Variants in GLMN observed in about 807,000 individuals in gnomAD.
GLMN encodes the protein glomulin, FKBP associated protein.
A neutral mutation model predicts 87.8 loss-of-function variants in GLMN; 75 were observed. That is an observed-to-expected ratio of 0.85 (90% confidence interval 0.71 to 1.04). The LOEUF (loss-of-function observed/expected upper bound fraction) is 1.04. Among genes scored for constraint, GLMN ranks in the 50% least tolerant of loss-of-function variants. GLMN has a pLI of 0.00. For synonymous variants in GLMN, 206 were observed against 221.6 expected (o/e 0.93, Z 0.63); for missense variants, 588 against 658.8 (o/e 0.89, Z 1.18).
In GLMN at chr1:92,285,323, A is replaced by T. The variant is rs562563639; in HGVS notation, c.735+1167T>A. ...GTTCATGTCCTTTGCAGGGACATGG[A>T]TGAAGCTGGAAACCACCATTCTAAG... On this transcript the variant is annotated intron_variant, in intron 7 of 18. Coordinates refer to ENST00000370360, the MANE Select transcript of GLMN (RefSeq NM_053274.3). Among the ~76,000 whole-genome samples the T allele has an allele frequency of 1.1e-3, 175 of 152,300 alleles. 1 individual carries two copies. Among genetic ancestry groups the T allele is most frequent in the African/African-American group, 4.1e-3 (170 of 41,558 alleles).
the GLMN span, among the ~76,000 whole-genome samples, chr1:92,338,538 C>A: frequency 6.6e-5 from 10 of 151,980 alleles, no homozygotes; most frequent in East Asian, 1.3e-3. Context: ...AGTATGGAAA[C>A]ACTGAAGTTT....
Position 92,264,555 on chromosome 1 carries a change from T to C in GLMN, c.1298A>G (p.Lys433Arg). 2 of 1,460,472 alleles carry C rather than the reference T, an allele frequency of 1.4e-6. No individual in the cohort carries two copies. The highest frequency in any genetic ancestry group is 9.6e-7 in the Non-Finnish European group (1 of 1,040,054). 90.5% of individuals were successfully genotyped at this position (1,460,472 alleles called of 1,614,324 possible). Reference sequence around the variant, plus strand: ...TTGACACTTTGGCTATGTTCTTACCTTTAATGACATGTCAATTTGATTTTT... The same window carrying C: ...TTGACACTTTGGCTATGTTCTTACCCTTAATGACATGTCAATTTGATTTTT... ...NIKNQIDMSLKRTRNNKWFTG... is the reference protein window; with the variant it reads ...NIKNQIDMSLRRTRNNKWFTG... Residue 433 changes from lysine to arginine, a missense_variant and splice_region_variant, in exon 14 of 19, where the codon AAG becomes AGG. Lys to Arg is a conservative substitution (Grantham distance 26). Coordinates refer to ENST00000370360, the MANE Select transcript of GLMN (RefSeq NM_053274.3).
chr1:92,305,748 T>C, the GLMN span, among the ~76,000 whole-genome samples: 1 of 152,178 alleles, frequency 6.6e-6, no homozygotes, highest in African/African-American at 2.4e-5. Flanking sequence ...ATATTATCAG[T>C]AATCAGAGAA....
Position 92,297,967 on chromosome 1 carries a change from C to A in GLMN, c.33G>T (p.Lys11Asn). 7.0e-7 allele frequency: 1 copy of A among 1,436,736 alleles called. No individual in the cohort carries two copies. Among genetic ancestry groups the A allele is most frequent in the South Asian group, 1.1e-5 (1 of 87,216 alleles). 89.0% of individuals were successfully genotyped at this position (1,436,736 alleles called of 1,614,324 possible). Residue 11 changes from lysine (K) to asparagine (N), a missense_variant, in exon 2 of 19, where the codon AAG becomes AAT. Physicochemically the swap from Lys to Asn is moderately conservative, Grantham distance 94 (BLOSUM62 0). Transcript: ENST00000370360. The part of the protein sequence containing the change: MAVEELQSII[K>N]RCQILEEQDF... ...TACAAAAATTAATACTTACACATCTCTTTATTATAGACTGAAGTTCCTCTA... is the reference window on the plus strand; with the variant it reads ...TACAAAAATTAATACTTACACATCTATTTATTATAGACTGAAGTTCCTCTA...
the GLMN span, among the ~76,000 whole-genome samples, chr1:92,316,286 A>AGAACAAC: frequency 6.6e-6 from 1 of 152,162 alleles, no homozygotes; most frequent in Non-Finnish European, 1.5e-5. Flanking sequence ...AAACCTCTGC[A>AGAACAAC]GAACAACTAT....
chr1:92,291,585 T>A, intron 3 of GLMN, 48 bp from the exon 4 acceptor site: 1 of 1,590,610 alleles, frequency 6.3e-7, no homozygotes, highest in African/African-American at 1.3e-5. Flanking sequence ...TCTATAGGAC[T>A]CTCGCAGTGT....
At position 92,272,626 on chromosome 1, in the gene GLMN, T is replaced by C. The variant is rs138996014; in HGVS notation, c.736-974A>G. Among the ~76,000 whole-genome samples the C allele has an allele frequency of 7.4e-4, 112 of 152,224 alleles. 1 individual carries two copies. The East Asian group carries it at 0.016, about 22-fold the overall frequency. On this transcript the variant is annotated intron_variant, in intron 7 of 18. Coordinates refer to ENST00000370360, the MANE Select transcript of GLMN (RefSeq NM_053274.3). ...CTCTAGGAACAATGCTCCACTAACATTGTGCCTGTAGAGAGTGGGATGCAG... is the reference window on the plus strand; with the variant it reads ...CTCTAGGAACAATGCTCCACTAACACTGTGCCTGTAGAGAGTGGGATGCAG...
chr1:92,331,389 CTA>C, the GLMN span, among the ~76,000 whole-genome samples: 23 of 152,160 alleles, frequency 1.5e-4, no homozygotes, highest in African/African-American at 5.3e-4. Context: ...ACTCCTCTTT[CTA>C]TGTGTCCCAC....
At chr1:92,272,254 T>C (rs1656314238) in intron 7 of GLMN, among the ~76,000 whole-genome samples, 1 of 152,190 alleles carries the variant, frequency 6.6e-6, no homozygotes. Context: ...AATGAGACCC[T>C]GAGCAGAGGA....
chr1:92,248,800 T>C (rs1296812717), intron 16 of GLMN, among the ~76,000 whole-genome samples: 1 of 152,130 alleles, frequency 6.6e-6, no homozygotes, highest in African/African-American at 2.4e-5. Context: ...TGCTGAATAA[T>C]TGATAATATT....
At chr1:92,287,560 C>T (rs1648918254) in intron 6 of GLMN, among the ~76,000 whole-genome samples, 3 of 151,696 alleles carry the variant, frequency 2.0e-5, no homozygotes, top group Admixed American at 1.3e-4. Context: ...AGGCTGGTCT[C>T]AAACTCCTGA....
the GLMN span, among the ~76,000 whole-genome samples, chr1:92,362,661 G>A: frequency 6.6e-6 from 1 of 152,174 alleles, no homozygotes; most frequent in Non-Finnish European, 1.5e-5. Flanking sequence ...TGCAATTTTT[G>A]TGGTGGTGAA....
At chr1:92,273,187 C>G (rs566408167) in intron 7 of GLMN, among the ~76,000 whole-genome samples, 1 of 152,240 alleles carries the variant, frequency 6.6e-6, no homozygotes, top group East Asian at 1.9e-4. Context: ...ATCTGCTGAT[C>G]CCAGATGGTT....
chr1:92,360,381 G>A, the GLMN span, among the ~76,000 whole-genome samples: 1 of 152,172 alleles, frequency 6.6e-6, no homozygotes, highest in Admixed American at 6.5e-5. Context: ...ATTACATATG[G>A]TGTTGGGGCA....
chr1:92,322,584 A>T, the GLMN span, among the ~76,000 whole-genome samples: 9 of 151,648 alleles, frequency 5.9e-5, no homozygotes, highest in Admixed American at 5.9e-4. Context: ...AATAAAAAAT[A>T]AAAAGCTCAG....
chr1:92,300,271 A>G (rs766047859), upstream of GLMN: 2 of 1,534,946 alleles, frequency 1.3e-6, no homozygotes, highest in South Asian at 1.1e-5. Context: ...CTACATTGGC[A>G]TATCTACTTA....
intron 13 of GLMN, 150 bp from the exon 14 acceptor site, chr1:92,264,788 A>C (rs929241047): frequency 3.0e-6 from 2 of 658,072 alleles, no homozygotes; most frequent in East Asian, 2.7e-5. Flanking sequence ...TCATCAACCA[A>C]TTACAAAGTC....
At chr1:92,290,750 C>G (rs1649314748) in intron 4 of GLMN, among the ~76,000 whole-genome samples, 2 of 152,236 alleles carry the variant, frequency 1.3e-5, no homozygotes, top group Admixed American at 1.3e-4. Flanking sequence ...AAGCTCCCAG[C>G]TCCCATAGTC....
chr1:92,268,209 C>A (rs1655866960), intron 9 of GLMN, 74 bp from the exon 10 acceptor site: 2 of 812,004 alleles, frequency 2.5e-6, no homozygotes, highest in Admixed American at 4.3e-5. Context: ...ATGAAAAATA[C>A]AGCAAAAACT....
Sources: allele counts gnomAD v4.1 joint callset (sites outside exome capture counted in the v4.1 genomes callset), GRCh38; gene constraint gnomAD v4.1.1; transcripts MANE v1.5; gene names NCBI Gene and HGNC (gene_info 2026-07-23, HGNC 2026-07-21).